The following ADAMTS17 variants were observed in gnomAD, a reference collection of about 807,000 sequenced individuals.
The protein encoded by ADAMTS17 is ADAM metallopeptidase with thrombospondin type 1 motif 17, also known as A disintegrin and metalloproteinase with thrombospondin motifs 17.
ADAMTS17 carries 113 observed loss-of-function variants against 141.5 expected under a neutral mutation model. The observed-to-expected ratio is 0.80, with a 90% CI of 0.69 to 0.93. The LOEUF (loss-of-function observed/expected upper bound fraction) is 0.93. Among genes scored for constraint, ADAMTS17 ranks in the 40% least tolerant of loss-of-function variants. The pLI, the probability that ADAMTS17 is intolerant of heterozygous loss-of-function variation, is 0.00. For synonymous variants in ADAMTS17, 768 were observed against 630.6 expected (o/e 1.22, Z -3.27); for missense variants, 1,659 against 1,517.9 (o/e 1.09, Z -1.54).
chr15:100,301,874 TCC>T (rs1441273777), intron 3 of ADAMTS17, among the ~76,000 whole-genome samples: 1 of 152,182 alleles, frequency 6.6e-6, no homozygotes, highest in Non-Finnish European at 1.5e-5. Context: ...TATTAAAGCA[TCC>T]TAATTTATGT....
chr15:100,341,404 C>T lies in ADAMTS17; in HGVS notation c.85G>A (p.Gly29Ser). 9.8e-7 allele frequency: 1 copy of T among 1,016,534 alleles called. No homozygotes were observed. The highest frequency in any genetic ancestry group is 1.2e-6 in the Non-Finnish European group (1 of 852,016). 63.0% of individuals were successfully genotyped at this position (1,016,534 alleles called of 1,614,324 possible). Reference protein sequence around the residue: ...VWGLDPGTAVGDAAADVEVVL... With the variant: ...VWGLDPGTAVSDAAADVEVVL... ...ACCTCCACGTCGGCCGCCGCGTCGC[C>T]GACAGCTGCGGGGAGAGAGGAGACG... is the stretch of plus-strand genomic sequence containing the variant. Residue 29 changes from glycine (G) to serine (S), a missense_variant, in exon 2 of 22, where the codon GGC (glycine) becomes AGC (serine). By Grantham distance (56) the Gly-to-Ser change is moderately conservative. Transcript: ENST00000268070.
intron 8 of ADAMTS17, among the ~76,000 whole-genome samples, chr15:100,170,135 C>G (rs79059949): frequency 6.6e-6 from 1 of 151,966 alleles, no homozygotes; most frequent in Non-Finnish European, 1.5e-5. Context: ...GGCTTGGGAA[C>G]GATGGCGGGG....
At chr15:100,137,030 C>T (rs957541377) in intron 10 of ADAMTS17, among the ~76,000 whole-genome samples, 6 of 152,176 alleles carry the variant, frequency 3.9e-5, no homozygotes, top group African/African-American at 9.7e-5. Flanking sequence ...ATCAACTAAA[C>T]GTTTGCTCAA....
intron 20 of ADAMTS17, chr15:99,976,469 T>C (rs2060333174): frequency 1.6e-6 from 1 of 608,928 alleles, no homozygotes; most frequent in Admixed American, 2.7e-5. Context: ...GCACTGTGTG[T>C]CATGCCCAGG....
intron 7 of ADAMTS17, among the ~76,000 whole-genome samples, chr15:100,209,516 C>T (rs1048707276): frequency 6.6e-6 from 1 of 152,124 alleles, no homozygotes; most frequent in African/African-American, 2.4e-5. Flanking sequence ...CCATGACAAG[C>T]CCTCCCTTCT....
chr15:100,152,827 CTTTTTTT>C, intron 9 of ADAMTS17, 65 bp from the exon 10 acceptor site: 1 of 1,423,328 alleles, frequency 7.0e-7, no homozygotes, highest in South Asian at 1.3e-5. Context: ...TTTTCTTTTT[CTTTTTTT>C]TTTTGAGTTT....
intron 12 of ADAMTS17, 75 bp downstream of exon 12, chr15:100,131,932 G>T (rs1380833923): frequency 6.2e-7 from 1 of 1,605,878 alleles, no homozygotes; most frequent in South Asian, 1.1e-5. Context: ...ACCCTGCTTT[G>T]TGTGAGGCAG....
chr15:100,165,011 A>G (rs1460241831), intron 8 of ADAMTS17, among the ~76,000 whole-genome samples: 1 of 152,194 alleles, frequency 6.6e-6, no homozygotes, highest in Non-Finnish European at 1.5e-5. Flanking sequence ...GGCTCCCAAC[A>G]GTAGATCTAG....
At chr15:100,170,635 A>G (rs1446455157) in intron 8 of ADAMTS17, among the ~76,000 whole-genome samples, 1 of 152,206 alleles carries the variant, frequency 6.6e-6, no homozygotes, top group Non-Finnish European at 1.5e-5. Context: ...GTGTTTATTC[A>G]GAGGAAATGC....
At chr15:100,106,437 C>T (rs1046722467) in intron 14 of ADAMTS17, among the ~76,000 whole-genome samples, 2 of 152,214 alleles carry the variant, frequency 1.3e-5, no homozygotes, top group Non-Finnish European at 2.9e-5. Context: ...TCTGGAGCAG[C>T]ATTTTCTCTT....
chr15:100,167,399 T>G (rs2039991668), intron 8 of ADAMTS17, among the ~76,000 whole-genome samples: 1 of 152,202 alleles, frequency 6.6e-6, no homozygotes, highest in Non-Finnish European at 1.5e-5. Flanking sequence ...TCACGTGATC[T>G]TAATTTACAC....
chr15:100,027,238 GCTTT>G lies in ADAMTS17; in HGVS notation c.2591+21615_2591+21618del, dbSNP rs779024626. 4.0e-5 allele frequency among the ~76,000 whole-genome samples: 6 copies of G among 151,584 alleles called. No individual in the cohort carries two copies. The South Asian group carries it at 6.2e-4, about 16-fold the overall frequency. ...ACAAATGTTATTATTTGATTTTCCT[GCTTT>G]CTGTTTTTTCTTTCTTTTTATTCTT... On this transcript the variant is annotated intron_variant, in intron 18 of 21. Coordinates refer to ENST00000268070, the MANE Select transcript of ADAMTS17 (RefSeq NM_139057.4).
intron 17 of ADAMTS17, among the ~76,000 whole-genome samples, chr15:100,050,377 G>C: frequency 6.6e-6 from 1 of 152,198 alleles, no homozygotes; most frequent in East Asian, 1.9e-4. Context: ...TGGATTTGGA[G>C]GTTGAAAGGC....
chr15:100,137,343 T>C (rs1239205937), intron 10 of ADAMTS17, among the ~76,000 whole-genome samples: 1 of 152,236 alleles, frequency 6.6e-6, no homozygotes, highest in Non-Finnish European at 1.5e-5. Context: ...AATGTCTTTA[T>C]CTTTTCTAGC....
At chr15:100,183,895 T>C (rs756709699) in intron 8 of ADAMTS17, among the ~76,000 whole-genome samples, 7 of 152,228 alleles carry the variant, frequency 4.6e-5, no homozygotes, top group Admixed American at 3.3e-4. Context: ...TTGAGGCTCC[T>C]CTTCAGTCGC....
chr15:100,075,749 T>C (rs1045152664), intron 15 of ADAMTS17, among the ~76,000 whole-genome samples: 3 of 152,216 alleles, frequency 2.0e-5, no homozygotes, highest in African/African-American at 7.2e-5. Flanking sequence ...TATACATTTG[T>C]CTCCTTTGCC....
At chr15:100,190,453 A>T (rs2040874949) in intron 8 of ADAMTS17, among the ~76,000 whole-genome samples, 1 of 152,208 alleles carries the variant, frequency 6.6e-6, no homozygotes, top group Non-Finnish European at 1.5e-5. Context: ...GCTGGTGGCA[A>T]GGTCCCCAAA....
At chr15:100,261,434 T>C in intron 6 of ADAMTS17, 45 bp downstream of exon 6, 5 of 1,610,968 alleles carry the variant, frequency 3.1e-6, no homozygotes, top group South Asian at 1.1e-5. Flanking sequence ...AAGGGAAACA[T>C]CTTTTCCCTC....
chr15:100,224,943 C>G (rs1026901268), intron 7 of ADAMTS17, among the ~76,000 whole-genome samples: 1 of 152,250 alleles, frequency 6.6e-6, no homozygotes, highest in African/African-American at 2.4e-5. Context: ...TGCATTCCAT[C>G]TGGACCCATG....
Sources: gnomAD v4.1 joint callset for allele counts (sites outside exome capture counted in the v4.1 genomes callset) on GRCh38, gnomAD v4.1.1 for gene constraint, MANE v1.5 for transcripts, NCBI Gene and HGNC (gene_info 2026-07-23, HGNC 2026-07-21) for gene names.